The following EFHD1 variants were observed in gnomAD, a reference collection of about 807,000 sequenced individuals.
EFHD1 encodes the protein EF-hand domain-containing protein D1.
A neutral mutation model predicts 17.2 loss-of-function variants in EFHD1; 10 were observed. The observed-to-expected ratio is 0.58, with a 90% CI of 0.36 to 0.99. The LOEUF (loss-of-function observed/expected upper bound fraction) is 0.99, where lower values mean the gene tolerates loss of function less well. Ranked by LOEUF, EFHD1 falls within the 50% of genes least tolerant of loss-of-function variation. The pLI, the probability that EFHD1 is intolerant of heterozygous loss-of-function variation, is 0.01. For synonymous variants in EFHD1, 153 were observed against 142.0 expected (o/e 1.08, Z -0.55); for missense variants, 310 against 327.5 (o/e 0.95, Z 0.41).
chr2:232,648,075 A>G (rs1186273519), intron 1 of EFHD1, among the ~76,000 whole-genome samples: 1 of 152,150 alleles, frequency 6.6e-6, no homozygotes, highest in Non-Finnish European at 1.5e-5. Context: ...CTCTGTCTTT[A>G]CAAAAAATAT....
At chr2:232,623,673 C>CAAA (rs756932393) in intron 1 of EFHD1, among the ~76,000 whole-genome samples, 53 of 86,364 alleles carry the variant, frequency 6.1e-4, no homozygotes, top group South Asian at 1.1e-3. Flanking sequence ...AGTCTCTGTC[C>CAAA]AAAAAAAAAA....
At chr2:232,658,138 G>C (rs181842313) in intron 1 of EFHD1, among the ~76,000 whole-genome samples, 214 of 151,974 alleles carry the variant, frequency 1.4e-3, no homozygotes, top group African/African-American at 4.7e-3. Context: ...CCTGACCTCA[G>C]ATGATCCACC....
intron 1 of EFHD1, among the ~76,000 whole-genome samples, chr2:232,616,882 C>A (rs1693936493): frequency 6.6e-6 from 1 of 152,184 alleles, no homozygotes; most frequent in Non-Finnish European, 1.5e-5. Context: ...AAGCAGGCAC[C>A]CCCATTGTGT....
intron 1 of EFHD1, among the ~76,000 whole-genome samples, chr2:232,610,067 C>T (rs867941361): frequency 1.3e-5 from 2 of 152,248 alleles, no homozygotes; most frequent in Non-Finnish European, 2.9e-5. Context: ...GGCACAGCGC[C>T]TGTCCCGCCA....
intron 1 of EFHD1, among the ~76,000 whole-genome samples, chr2:232,657,812 CA>C (rs111874089): frequency 0.017 from 1,821 of 104,846 alleles, 39 homozygotes; most frequent in African/African-American, 0.05. Flanking sequence ...AACTCCATCT[CA>C]AAAAAAAAAA....
In EFHD1 at chr2:232,675,242, AAAAGAAAG is replaced by A. The variant is rs1011360817; in HGVS notation, c.585+2803_585+2810del. ...AGGAAGGAGAAAGAAAGAGAGAAAG[AAAAGAAAG>A]AAAAGAAAAGAAAAGAAAAGAAAGA... On this transcript the variant is annotated intron_variant, in intron 3 of 3. Transcript: ENST00000264059. Among the ~76,000 whole-genome samples, 3 of 119,394 alleles carry A rather than the reference AAAAGAAAG, an allele frequency of 2.5e-5. No homozygotes were observed. In the East Asian group the frequency reaches 1.2e-3, roughly 48 times the overall value. The allele number at this position is 119,394 out of a possible 152,430, so 78.3% of individuals were successfully genotyped here.
At chr2:232,606,377 C>A (rs1263517961) in intron 1 of EFHD1, among the ~76,000 whole-genome samples, 1 of 152,190 alleles carries the variant, frequency 6.6e-6, no homozygotes, top group South Asian at 2.1e-4. Flanking sequence ...GGCTGGTCTC[C>A]CAGAGAATCT....
chr2:232,681,807 C>G lies in EFHD1; in HGVS notation c.*88C>G. ...AGGCATCTTCATCACTGCTGTCGGT[C>G]CCCTCCCTGAGCCAGCATCTCCATC... On this transcript the variant is annotated 3_prime_UTR_variant, in exon 4 of 4. Coordinates refer to ENST00000264059, the MANE Select transcript of EFHD1 (RefSeq NM_025202.4). 1 of 1,504,382 alleles carries G rather than the reference C, an allele frequency of 6.6e-7. No individual in the cohort carries two copies. Among genetic ancestry groups the G allele is most frequent in the Non-Finnish European group, 8.9e-7 (1 of 1,123,714 alleles). The allele number at this position is 1,504,382 out of a possible 1,614,324, so 93.2% of individuals were successfully genotyped here. A position where few individuals can be genotyped will look rare whatever the true frequency, so the allele number is the denominator to read the frequency against.
At chr2:232,657,737 G>A (rs188270502) in intron 1 of EFHD1, among the ~76,000 whole-genome samples, 77 of 150,796 alleles carry the variant, frequency 5.1e-4, no homozygotes, top group African/African-American at 1.6e-3. Flanking sequence ...ACTTGAACCC[G>A]GGAGGTGGAG....
At chr2:232,663,563 T>A (rs1305163030) in intron 2 of EFHD1, among the ~76,000 whole-genome samples, 2 of 152,050 alleles carry the variant, frequency 1.3e-5, no homozygotes, top group African/African-American at 4.8e-5. Context: ...GATGGGGTTT[T>A]GCCTTGTTGA....
At chr2:232,614,684 A>C (rs961668674) in intron 1 of EFHD1, among the ~76,000 whole-genome samples, 1 of 152,188 alleles carries the variant, frequency 6.6e-6, no homozygotes, top group Non-Finnish European at 1.5e-5. Context: ...TTTAGTTTTA[A>C]AAATCATTTG....
intron 3 of EFHD1, among the ~76,000 whole-genome samples, chr2:232,679,120 A>T (rs1226665889): frequency 6.6e-6 from 1 of 152,224 alleles, no homozygotes; most frequent in Non-Finnish European, 1.5e-5. Context: ...TAAGGGGCCA[A>T]ATGGGAACAC....
chr2:232,643,072 G>A (rs536158022), intron 1 of EFHD1, among the ~76,000 whole-genome samples: 10 of 152,234 alleles, frequency 6.6e-5, no homozygotes, highest in East Asian at 3.9e-4. Flanking sequence ...CTGTGCTGGC[G>A]TCAAGGTGGC....
At chr2:232,645,870 A>C (rs528147476) in intron 1 of EFHD1, among the ~76,000 whole-genome samples, 99 of 152,322 alleles carry the variant, frequency 6.5e-4, no homozygotes, top group African/African-American at 2.2e-3. Context: ...TTTGAACCCA[A>C]GTGGCCTGCA....
chr2:232,674,254 T>G (rs951760900), intron 3 of EFHD1, among the ~76,000 whole-genome samples: 6 of 152,284 alleles, frequency 3.9e-5, no homozygotes, highest in Admixed American at 1.3e-4. Context: ...ATAGTGTTAG[T>G]GATAGAGAAA....
chr2:232,680,943 G>C (rs1006876739), intron 3 of EFHD1, among the ~76,000 whole-genome samples: 1 of 152,070 alleles, frequency 6.6e-6, no homozygotes, highest in African/African-American at 2.4e-5. Flanking sequence ...AAGACTGGTG[G>C]ATCACCTGAA....
At chr2:232,613,645 T>C (rs62191601) in intron 1 of EFHD1, among the ~76,000 whole-genome samples, 3,924 of 132,420 alleles carry the variant, frequency 0.03, 204 homozygotes, top group African/African-American at 0.1. Flanking sequence ...TACACACACA[T>C]ACACACACAC....
At chr2:232,614,360 G>A (rs940603758) in intron 1 of EFHD1, among the ~76,000 whole-genome samples, 2 of 152,030 alleles carry the variant, frequency 1.3e-5, no homozygotes, top group African/African-American at 4.8e-5. Flanking sequence ...TGCCTTCTCT[G>A]AGACAGCGAG....
chr2:232,679,485 T>C (rs1267600556), intron 3 of EFHD1, among the ~76,000 whole-genome samples: 1 of 151,350 alleles, frequency 6.6e-6, no homozygotes, highest in African/African-American at 2.4e-5. Context: ...GAGGCTGAGG[T>C]GGGAGAATTG....
Sources: gnomAD v4.1 joint callset for allele counts (sites outside exome capture counted in the v4.1 genomes callset) on GRCh38, gnomAD v4.1.1 for gene constraint, MANE v1.5 for transcripts, NCBI Gene and HGNC (gene_info 2026-07-23, HGNC 2026-07-21) for gene names.